The following DNAH14 variants were observed in gnomAD, a reference collection of about 807,000 sequenced individuals.
The protein encoded by DNAH14 is axonemal beta dynein heavy chain 14.
Under a neutral mutation model 520.9 loss-of-function variants are expected in DNAH14, and 478 were observed. The observed-to-expected ratio is 0.92, with a 90% CI of 0.85 to 0.99. The LOEUF (loss-of-function observed/expected upper bound fraction) is 0.99, where lower values mean the gene tolerates loss of function less well. Among genes scored for constraint, DNAH14 ranks in the 50% least tolerant of loss-of-function variants. DNAH14 has a pLI of 0.00. For missense variants in DNAH14, 4,831 were observed against 5,234.5 expected (o/e 0.92, Z 2.38); for synonymous variants, 1,581 against 1,757.2 (o/e 0.90, Z 2.51).
chr1:225,059,815 G>T (rs993549172), intron 17 of DNAH14, among the ~76,000 whole-genome samples: 2 of 152,150 alleles, frequency 1.3e-5, no homozygotes, highest in Non-Finnish European at 2.9e-5. Flanking sequence ...TGAAATTCTA[G>T]GTTGAAAATT....
chr1:225,305,139 TTTGC>T (rs1287314968), intron 58 of DNAH14, 50 bp downstream of exon 58: 1 of 1,492,116 alleles, frequency 6.7e-7, no homozygotes. Flanking sequence ...GGTGTTTTTG[TTTGC>T]GAAAAGAGAC....
At chr1:225,303,782 A>G (rs912157563) in intron 57 of DNAH14, among the ~76,000 whole-genome samples, 2 of 152,230 alleles carry the variant, frequency 1.3e-5, no homozygotes, top group Non-Finnish European at 2.9e-5. Flanking sequence ...TTATGAGCCA[A>G]CAGTAAGAAA....
intron 23 of DNAH14, among the ~76,000 whole-genome samples, chr1:225,108,464 C>T (rs1364978178): frequency 6.6e-6 from 1 of 152,188 alleles, no homozygotes; most frequent in African/African-American, 2.4e-5. Flanking sequence ...AGAACCGTGA[C>T]TAATACAACC....
At chr1:225,184,688 T>C (rs961055050) in intron 36 of DNAH14, among the ~76,000 whole-genome samples, 1 of 149,898 alleles carries the variant, frequency 6.7e-6, no homozygotes, top group Non-Finnish European at 1.5e-5. Flanking sequence ...TTTTATAAAA[T>C]CCAACATCCC....
At chr1:225,069,657 G>A (rs2071313686) in intron 17 of DNAH14, among the ~76,000 whole-genome samples, 1 of 152,148 alleles carries the variant, frequency 6.6e-6, no homozygotes, top group Non-Finnish European at 1.5e-5. Context: ...AAGGATACTG[G>A]CCTGAAGTTT....
intron 31 of DNAH14, chr1:225,151,781 T>A (rs953138529): frequency 1.6e-6 from 1 of 642,776 alleles, no homozygotes; most frequent in African/African-American, 1.8e-5. Flanking sequence ...AGAAACATCT[T>A]TGGACATAAT....
intron 13 of DNAH14, 31 bp from the exon 14 acceptor site, chr1:225,043,713 A>G (rs1384430827): frequency 7.1e-7 from 1 of 1,400,830 alleles, no homozygotes; most frequent in East Asian, 2.5e-5. Flanking sequence ...TCAATTTTGT[A>G]TTTTCTCTTT....
chr1:225,044,811 T>A (rs771480526), intron 15 of DNAH14, among the ~76,000 whole-genome samples: 1 of 152,142 alleles, frequency 6.6e-6, no homozygotes, highest in Non-Finnish European at 1.5e-5. Flanking sequence ...TTGGTAAGGG[T>A]TTCTTGCTGA....
At chr1:225,140,681 A>G (rs2079362656) in intron 27 of DNAH14, 87 bp from the exon 28 acceptor site, 1 of 1,074,918 alleles carries the variant, frequency 9.3e-7, no homozygotes, top group East Asian at 2.7e-5. Context: ...CTTTATGAAA[A>G]CATCCATTTT....
chr1:225,249,795 G>T (rs1355614059), intron 43 of DNAH14, among the ~76,000 whole-genome samples: 1 of 152,140 alleles, frequency 6.6e-6, no homozygotes, highest in African/African-American at 2.4e-5. Flanking sequence ...TTGCTTCTTA[G>T]TAAATTAAGC....
intron 21 of DNAH14, among the ~76,000 whole-genome samples, chr1:225,092,870 A>C (rs2074525083): frequency 6.6e-6 from 1 of 152,086 alleles, no homozygotes; most frequent in Non-Finnish European, 1.5e-5. Context: ...AAATACAAGA[A>C]ACCTTCAGAG....
chr1:225,088,708 T>C (rs1302750950), intron 21 of DNAH14, among the ~76,000 whole-genome samples: 1 of 152,148 alleles, frequency 6.6e-6, no homozygotes, highest in Non-Finnish European at 1.5e-5. Context: ...TCATAATTTC[T>C]CAAAACCAGT....
chr1:225,389,800 T>C lies in DNAH14; in HGVS notation c.13257T>C (p.Pro4419=), dbSNP rs1189581677. The change falls in exon 83 of 86, where the codon CCT becomes CCC. Residue 4419 remains proline (P), a synonymous_variant. Transcript: ENST00000682510. ...CAACTAGCCAAAAATGCAAACACCC[T>C]GAGGATTCAGAGAACAATTTCTTTG... The part of the protein sequence containing the change: ...IPSTSQKCKH[P]EDSENNFFEG... 1.9e-6 allele frequency: 3 copies of C among 1,551,960 alleles called. No homozygotes were observed. Among genetic ancestry groups the C allele is most frequent in the African/African-American group, 1.4e-5 (1 of 73,060 alleles).
At position 225,100,721 on chromosome 1, in the gene DNAH14, C is replaced by T; in HGVS notation, c.3704C>T (p.Pro1235Leu). The T allele has an allele frequency of 3.3e-6, 5 of 1,495,302 alleles. No homozygotes were observed. The highest frequency in any genetic ancestry group is 4.4e-6 in the Non-Finnish European group (5 of 1,127,270). The allele number at this position is 1,495,302 out of a possible 1,614,324, so 92.6% of individuals were successfully genotyped here. The change falls in exon 23 of 86, where the codon CCA becomes CTA. Residue 1235 changes from proline to leucine, a missense_variant. Physicochemically the swap from Pro to Leu is moderately conservative, Grantham distance 98 (BLOSUM62 -3). Coordinates refer to ENST00000682510, the MANE Select transcript of DNAH14 (RefSeq NM_001367479.1). ...TAATTTTTTTTCTAAAGGCAACTCC[C>T]AGCAGAAACAGAACTTTTCTCTCAA... ...FHSSEIRRQL[P>L]AETELFSQVI...
intron 83 of DNAH14, among the ~76,000 whole-genome samples, chr1:225,390,429 G>A (rs1430624822): frequency 6.6e-6 from 1 of 152,100 alleles, no homozygotes; most frequent in Non-Finnish European, 1.5e-5. Context: ...GCTCTATGAA[G>A]GCAAGAACCA....
At chr1:225,164,371 TG>T (rs1361411831) in intron 35 of DNAH14, among the ~76,000 whole-genome samples, 4 of 152,188 alleles carry the variant, frequency 2.6e-5, no homozygotes, top group Non-Finnish European at 4.4e-5. Flanking sequence ...TCCATCCTTT[TG>T]TTTTTCAAAC....
intron 49 of DNAH14, among the ~76,000 whole-genome samples, chr1:225,268,730 T>G (rs1038043780): frequency 1.3e-5 from 2 of 152,142 alleles, no homozygotes; most frequent in African/African-American, 4.8e-5. Context: ...CATTCACAAT[T>G]GCTTCAAAGA....
chr1:225,128,854 T>A (rs1293207238), intron 27 of DNAH14, among the ~76,000 whole-genome samples: 2 of 149,688 alleles, frequency 1.3e-5, no homozygotes, highest in East Asian at 3.9e-4. Flanking sequence ...GAGTATTCAA[T>A]TAGGAAAAGA....
At chr1:225,388,717 T>C (rs767832123) in intron 82 of DNAH14, among the ~76,000 whole-genome samples, 7 of 152,176 alleles carry the variant, frequency 4.6e-5, no homozygotes, top group African/African-American at 7.2e-5. Context: ...TACAACATAG[T>C]ACATTTCTCT....
Sources: allele counts gnomAD v4.1 joint callset (sites outside exome capture counted in the v4.1 genomes callset), GRCh38; gene constraint gnomAD v4.1.1; transcripts MANE v1.5; gene names NCBI Gene and HGNC (gene_info 2026-07-23, HGNC 2026-07-21).